The following GRXCR1 variants were observed in gnomAD, a reference collection of about 807,000 sequenced individuals.
GRXCR1 encodes glutaredoxin domain-containing cysteine-rich protein 1.
A neutral mutation model predicts 27.3 loss-of-function variants in GRXCR1; 27 were observed. That is an observed-to-expected ratio of 0.99 (90% CI 0.73 to 1.37). The LOEUF (loss-of-function observed/expected upper bound fraction) is 1.37. Among genes scored for constraint, GRXCR1 ranks in the 40% most tolerant of loss-of-function variants. GRXCR1 has a pLI of 0.00. For synonymous variants in GRXCR1, 122 were observed against 131.1 expected, an observed-to-expected ratio of 0.93 and a Z score of 0.47; for missense variants, 379 against 354.4, an observed-to-expected ratio of 1.07 and a Z score of -0.56.
At chr4:42,916,661 A>G (rs891092539) in intron 1 of GRXCR1, among the ~76,000 whole-genome samples, 7 of 152,094 alleles carry the variant, frequency 4.6e-5, no homozygotes, top group African/African-American at 9.7e-5. Context: ...TTCACTCCCT[A>G]TTAGTAATAC....
intron 1 of GRXCR1, among the ~76,000 whole-genome samples, chr4:42,958,647 A>G (rs1748063009): frequency 6.6e-6 from 1 of 152,026 alleles, no homozygotes; most frequent in Non-Finnish European, 1.5e-5. Context: ...AGAGGAAAAT[A>G]TTCGTGAGCC....
chr4:43,015,428 G>A (rs186514810), intron 2 of GRXCR1, among the ~76,000 whole-genome samples: 13 of 152,244 alleles, frequency 8.5e-5, no homozygotes, highest in Middle Eastern at 6.8e-3. Flanking sequence ...GTTGGATGTA[G>A]GAGCCATTTC....
chr4:42,981,366 T>C (rs1434039064), intron 2 of GRXCR1, among the ~76,000 whole-genome samples: 2 of 152,136 alleles, frequency 1.3e-5, no homozygotes, highest in African/African-American at 4.8e-5. Flanking sequence ...GAATTTTTGA[T>C]GTTTCAGTTT....
chr4:42,907,398 C>T (rs937876909), intron 1 of GRXCR1, among the ~76,000 whole-genome samples: 1 of 152,196 alleles, frequency 6.6e-6, no homozygotes, highest in Non-Finnish European at 1.5e-5. Context: ...AGTTCCCACA[C>T]TGCTGTTGGC....
intron 1 of GRXCR1, among the ~76,000 whole-genome samples, chr4:42,907,533 C>T (rs1293078065): frequency 5.3e-5 from 8 of 152,128 alleles, no homozygotes; most frequent in Admixed American, 3.9e-4. Flanking sequence ...AGAGTCTGAG[C>T]TCTGAGCATT....
chr4:43,011,966 G>T (rs1284036792), intron 2 of GRXCR1, among the ~76,000 whole-genome samples: 1 of 152,190 alleles, frequency 6.6e-6, no homozygotes, highest in Non-Finnish European at 1.5e-5. Flanking sequence ...TGGAATGAGA[G>T]CCCATTCAAG....
chr4:42,981,852 G>A (rs1266370520), intron 2 of GRXCR1, among the ~76,000 whole-genome samples: 2 of 151,912 alleles, frequency 1.3e-5, no homozygotes, highest in East Asian at 3.9e-4. Context: ...TTGCTTTCGG[G>A]ATCTTCTCTT....
chr4:42,902,792 A>G (rs1746490498), intron 1 of GRXCR1, among the ~76,000 whole-genome samples: 2 of 152,274 alleles, frequency 1.3e-5, no homozygotes, highest in South Asian at 4.1e-4. Context: ...GCACATAATT[A>G]CCTATGCAGC....
intron 1 of GRXCR1, among the ~76,000 whole-genome samples, chr4:42,901,602 T>C (rs780493052): frequency 2.0e-5 from 3 of 152,220 alleles, no homozygotes; most frequent in Non-Finnish European, 4.4e-5. Flanking sequence ...TGCAATCATG[T>C]CTGCAAAGTG....
At chr4:42,932,617 TATAGAGAGAGAGAGAGAGAG>T (rs1240277003) in intron 1 of GRXCR1, among the ~76,000 whole-genome samples, 4 of 29,146 alleles carry the variant, frequency 1.4e-4, no homozygotes, top group African/African-American at 2.4e-4. Context: ...TATATATATA[TATAGAGAGAGAGAGAGAGAG>T]AGAGAGAGAG....
chr4:43,002,315 G>C (rs148638053), intron 2 of GRXCR1, among the ~76,000 whole-genome samples: 81 of 129,318 alleles, frequency 6.3e-4, no homozygotes, highest in African/African-American at 2.3e-3. Flanking sequence ...GCTTTCAAGG[G>C]CAGAGGTCCC....
chr4:42,978,599 T>C (rs9994922), intron 2 of GRXCR1, among the ~76,000 whole-genome samples: 5,595 of 152,168 alleles, frequency 0.037, 362 homozygotes, highest in African/African-American at 0.13. Context: ...ATTAAGATAG[T>C]TTAGTGTTAA....
At chr4:42,905,242 C>T (rs1239647233) in intron 1 of GRXCR1, among the ~76,000 whole-genome samples, 1 of 152,164 alleles carries the variant, frequency 6.6e-6, no homozygotes, top group Non-Finnish European at 1.5e-5. Flanking sequence ...GCAGTTGGCT[C>T]TATACCTGTG....
At chr4:42,979,739 G>T (rs1347154428) in intron 2 of GRXCR1, among the ~76,000 whole-genome samples, 1 of 151,996 alleles carries the variant, frequency 6.6e-6, no homozygotes. Context: ...GGGGCAGGTA[G>T]AATTGGTGTT....
At chr4:42,898,308 G>T (rs1746394296) in intron 1 of GRXCR1, among the ~76,000 whole-genome samples, 1 of 151,682 alleles carries the variant, frequency 6.6e-6, no homozygotes, top group African/African-American at 2.4e-5. Context: ...ATTCAGCTTT[G>T]AATTGTATTT....
intron 1 of GRXCR1, among the ~76,000 whole-genome samples, chr4:42,927,376 C>T (rs937531335): frequency 3.3e-5 from 5 of 151,978 alleles, no homozygotes; most frequent in East Asian, 1.9e-4. Context: ...AGCATGCTTA[C>T]GCCCCTGCTA....
chr4:43,028,740 C>T (rs767816438), intron 3 of GRXCR1, among the ~76,000 whole-genome samples: 13 of 152,076 alleles, frequency 8.5e-5, no homozygotes, highest in Non-Finnish European at 1.8e-4. Context: ...TAATATTACA[C>T]AAAATTTAAG....
At chr4:42,914,673 G>A (rs181234968) in intron 1 of GRXCR1, among the ~76,000 whole-genome samples, 8 of 152,280 alleles carry the variant, frequency 5.3e-5, no homozygotes, top group Admixed American at 3.9e-4. Context: ...TGAGATTTGG[G>A]AGGGTTTAGG....
intron 1 of GRXCR1, among the ~76,000 whole-genome samples, chr4:42,904,682 T>C (rs753180615): frequency 4.6e-5 from 7 of 152,198 alleles, no homozygotes; most frequent in East Asian, 1.9e-4. Context: ...TGGTACCTTA[T>C]AAGTACTCAA....
Sources: gnomAD v4.1 joint callset for allele counts (sites outside exome capture counted in the v4.1 genomes callset) on GRCh38, gnomAD v4.1.1 for gene constraint, MANE v1.5 for transcripts, NCBI Gene and HGNC (gene_info 2026-07-23, HGNC 2026-07-21) for gene names.